ACOX3: variants seen among roughly 807,000 people sequenced by gnomAD.
The protein encoded by ACOX3 is acyl-CoA oxidase 3, pristanoyl.
Under a neutral mutation model 81.5 loss-of-function variants are expected in ACOX3, and 73 were observed. The observed-to-expected ratio is 0.90, with a 90% CI of 0.74 to 1.09. ACOX3 has a LOEUF of 1.09. Among genes scored for constraint, ACOX3 ranks in the 50% least tolerant of loss-of-function variants. ACOX3 has a pLI of 0.00. For missense variants in ACOX3, 947 were observed against 928.0 expected (o/e 1.02, Z -0.27); for synonymous variants, 387 against 375.1 (o/e 1.03, Z -0.37).
chr4:8,433,224 C>T (rs1724047943), intron 1 of ACOX3, among the ~76,000 whole-genome samples: 1 of 152,232 alleles, frequency 6.6e-6, no homozygotes, highest in African/African-American at 2.4e-5. Context: ...GACACGCTCC[C>T]TAATCTCAGT....
At position 8,389,041 on chromosome 4, in the gene ACOX3, T is replaced by C. The variant is rs939725607; in HGVS notation, c.1537+132A>G. ...ATGAGCCAGCCCAGGACAAGCTGCA[T>C]GCGGGGCCTCCCACCACCACTGCTG... On this transcript the variant is annotated intron_variant, in intron 13 of 17. Coordinates refer to ENST00000356406, the MANE Select transcript of ACOX3 (RefSeq NM_003501.3). The surrounding 1 kb of genome is among the most constrained non-coding windows in gnomAD (Gnocchi z 5.3). The C allele has an allele frequency of 7.3e-6, 5 of 684,398 alleles. No individual in the cohort carries two copies. Among genetic ancestry groups the C allele is most frequent in the South Asian group, 1.8e-5 (1 of 56,194 alleles). 42.4% of individuals were successfully genotyped at this position (684,398 alleles called of 1,614,324 possible). A position where few individuals can be genotyped will look rare whatever the true frequency, so the allele number is the denominator to read the frequency against.
the ACOX3 span, chr4:8,357,254 C>G: frequency 2.2e-6 from 1 of 456,732 alleles, no homozygotes; most frequent in Non-Finnish European, 4.4e-6. Context: ...AAAGTGGACA[C>G]CAGGGCCAGG....
intron 3 of ACOX3, 143 bp downstream of exon 3, chr4:8,415,623 A>T (rs1484737143): frequency 2.9e-6 from 2 of 696,176 alleles, no homozygotes; most frequent in Non-Finnish European, 4.7e-6. Context: ...AAAAACATTA[A>T]AAAAAAGATA....
chr4:8,410,814 C>T (rs1476343807), intron 5 of ACOX3, among the ~76,000 whole-genome samples: 2 of 152,194 alleles, frequency 1.3e-5, no homozygotes, highest in Non-Finnish European at 2.9e-5. Context: ...CTCTCCCATC[C>T]ACAGCTCCGT....
At position 8,381,404 on chromosome 4, in the gene ACOX3, T is replaced by C; in HGVS notation, c.1653+88A>G. On this transcript the variant is annotated intron_variant, in intron 14 of 17. Coordinates refer to ENST00000356406, the MANE Select transcript of ACOX3 (RefSeq NM_003501.3). The surrounding 1 kb of genome is among the most constrained non-coding windows in gnomAD (Gnocchi z 4.3). ...GGAGCTCGGGGTCTGGGGCCTGAATTGCCAGGATGTTCAAACTCCCAGGGA... is the reference window on the plus strand; with the variant it reads ...GGAGCTCGGGGTCTGGGGCCTGAATCGCCAGGATGTTCAAACTCCCAGGGA... The C allele has an allele frequency of 8.1e-7, 1 of 1,239,056 alleles. No homozygotes were observed. The highest frequency in any genetic ancestry group is 1.2e-6 in the Non-Finnish European group (1 of 865,250). The allele number at this position is 1,239,056 out of a possible 1,614,324, so 76.8% of individuals were successfully genotyped here.
chr4:8,376,489 C>T (rs915843363), intron 14 of ACOX3, among the ~76,000 whole-genome samples: 19 of 152,192 alleles, frequency 1.2e-4, no homozygotes, highest in Admixed American at 1.1e-3. Context: ...GGGTGAAGCA[C>T]ACGGCAGCAG....
rs762364130 is a variant in ACOX3 at position 8,399,936 on chromosome 4, A to T, written c.777-284T>A. ...GCAACACAGTGAGACCCTGTTTCTA[A>T]AAAAGAAAAAAATGTAGGTTAAAAA... On this transcript the variant is annotated intron_variant, in intron 7 of 17. Transcript: ENST00000356406. The surrounding 1 kb of genome is among the most constrained non-coding windows in gnomAD (Gnocchi z 4.9). 2.6e-5 allele frequency among the ~76,000 whole-genome samples: 4 copies of T among 152,136 alleles called. No individual in the cohort carries two copies. The highest frequency in any genetic ancestry group is 6.5e-5 in the Admixed American group (1 of 15,276).
At chr4:8,393,637 G>GCA (rs10576121) in intron 10 of ACOX3, among the ~76,000 whole-genome samples, 4,826 of 144,508 alleles carry the variant, frequency 0.033, 105 homozygotes, top group African/African-American at 0.067. Context: ...ACACACACAC[G>GCA]CACACACACA....
rs1243270549 is a variant in ACOX3 at position 8,394,738 on chromosome 4, C to T, written c.1061G>A (p.Trp354Ter). 1 of 1,612,910 alleles carries T rather than the reference C, an allele frequency of 6.2e-7. No homozygotes were observed. The highest frequency in any genetic ancestry group is 1.3e-5 in the African/African-American group (1 of 74,890). The change falls in exon 10 of 18, where the codon TGG becomes TAG. Residue 354 changes from tryptophan to a stop codon, truncating the protein, a stop_gained. Transcript: ENST00000356406. LOFTEE classifies it high-confidence loss of function. This position sits in a 1 kb window ranked among gnomAD's most constrained non-coding sequence, Gnocchi z 5.9. ...AGCTGCCAGATATGGAAGCAAGCGC[C>T]ATTGCTAGAACAGACAAGACACCTG... ...IPVLEYPMQQ[W>*]RLLPYLAAVY...
intron 1 of ACOX3, among the ~76,000 whole-genome samples, chr4:8,426,906 C>T (rs1313361358): frequency 7.9e-5 from 12 of 152,148 alleles, no homozygotes; most frequent in African/African-American, 1.7e-4. Flanking sequence ...GCACCACTCC[C>T]GAGGAAATCT....
chr4:8,416,108 C>T lies in ACOX3; in HGVS notation c.145-109G>A. Reference sequence around the variant, plus strand: ...ACAGGCTTCATGGGACACAGTCTGACCCGGAGACACCCAGACAGAGATATG... The same window carrying T: ...ACAGGCTTCATGGGACACAGTCTGATCCGGAGACACCCAGACAGAGATATG... On this transcript the variant is annotated intron_variant, in intron 2 of 17. Transcript: ENST00000356406. The surrounding 1 kb of genome is among the most constrained non-coding windows in gnomAD (Gnocchi z 4.2). 1 of 1,131,912 alleles carries T rather than the reference C, an allele frequency of 8.8e-7. No individual in the cohort carries two copies. The highest frequency in any genetic ancestry group is 1.3e-6 in the Non-Finnish European group (1 of 778,750). 70.1% of individuals were successfully genotyped at this position (1,131,912 alleles called of 1,614,324 possible). A position where few individuals can be genotyped will look rare whatever the true frequency, so the allele number is the denominator to read the frequency against.
chr4:8,432,780 G>C lies in ACOX3; in HGVS notation c.-15+7868C>G, dbSNP rs1329237840. On this transcript the variant is annotated intron_variant, in intron 1 of 17. Coordinates refer to ENST00000356406, the MANE Select transcript of ACOX3 (RefSeq NM_003501.3). The surrounding 1 kb of genome is among the most constrained non-coding windows in gnomAD (Gnocchi z 6.2). The stretch of plus-strand genomic sequence containing the variant: ...AGTTCCACCCAGCTTCCAGCACTTA[G>C]ACGCTGACAACTCAGAATGGAGGGG... Among the ~76,000 whole-genome samples the C allele has an allele frequency of 5.9e-5, 9 of 152,220 alleles. No homozygotes were observed. The highest frequency in any genetic ancestry group is 1.3e-4 in the Non-Finnish European group (9 of 68,034).
chr4:8,356,660 C>T, the ACOX3 span: 13 of 455,328 alleles, frequency 2.9e-5, no homozygotes, highest in Non-Finnish European at 4.4e-5. Context: ...ATGGGGAACA[C>T]TAACCTGTTC....
chr4:8,434,590 C>T (rs768639168), intron 1 of ACOX3, among the ~76,000 whole-genome samples: 40 of 152,242 alleles, frequency 2.6e-4, no homozygotes, highest in Non-Finnish European at 5.9e-5. Context: ...GGAGGATCAA[C>T]GCAGTGGCTG....
intron 15 of ACOX3, chr4:8,373,844 G>A: frequency 1.7e-6 from 1 of 596,248 alleles, no homozygotes; most frequent in Non-Finnish European, 3.0e-6. Context: ...AGGCATTGAT[G>A]GTCTCTGGCC....
intron 5 of ACOX3, among the ~76,000 whole-genome samples, chr4:8,411,359 T>C (rs1183179068): frequency 6.6e-6 from 1 of 152,164 alleles, no homozygotes; most frequent in Non-Finnish European, 1.5e-5. Flanking sequence ...GTCTAACCAG[T>C]GGGATTCTGT....
chr4:8,381,998 A>G lies in ACOX3; in HGVS notation c.1538-391T>C, dbSNP rs1322426432. ...CCTCCACAGCATCAGCCAGGACTGC[A>G]TGGGCAGCAGGACAACTGGCCGGCG... On this transcript the variant is annotated intron_variant, in intron 13 of 17. Coordinates refer to ENST00000356406, the MANE Select transcript of ACOX3 (RefSeq NM_003501.3). This position sits in a 1 kb window ranked among gnomAD's most constrained non-coding sequence, Gnocchi z 4.3. 6.6e-6 allele frequency among the ~76,000 whole-genome samples: 1 copy of G among 152,244 alleles called. No individual in the cohort carries two copies. Among genetic ancestry groups the G allele is most frequent in the Non-Finnish European group, 1.5e-5 (1 of 68,042 alleles).
intron 1 of ACOX3, among the ~76,000 whole-genome samples, chr4:8,434,693 G>A (rs1038610558): frequency 2.1e-4 from 32 of 152,378 alleles, no homozygotes; most frequent in African/African-American, 7.2e-4. Flanking sequence ...GAGTGGAAGC[G>A]TGGCCTGATC....
intron 5 of ACOX3, 142 bp from the exon 6 acceptor site, chr4:8,410,497 T>G (rs1721598719): frequency 8.8e-7 from 1 of 1,140,246 alleles, no homozygotes; most frequent in African/African-American, 1.6e-5. Context: ...TTTTAGTTCT[T>G]GTATGGCACA....
Sources: gnomAD v4.1 joint callset for allele counts (sites outside exome capture counted in the v4.1 genomes callset) on GRCh38, gnomAD v4.1.1 for gene constraint, Gnocchi (gnomAD v3.1) non-coding constraint, MANE v1.5 for transcripts, NCBI Gene and HGNC (gene_info 2026-07-23, HGNC 2026-07-21) for gene names.